Variants in DIP2C observed in about 807,000 individuals in gnomAD.
The protein encoded by DIP2C is DIP2 acetate--CoA ligase C (putative).
DIP2C carries 33 observed loss-of-function variants against 192.4 expected under a neutral mutation model. The ratio of observed to expected loss-of-function variants is 0.17; its 90% CI spans 0.13 to 0.23. The LOEUF (loss-of-function observed/expected upper bound fraction) is 0.23. Ranked by LOEUF, DIP2C falls within the 10% of genes least tolerant of loss-of-function variation. The pLI is 1.00. For missense variants in DIP2C, 1,537 were observed against 2,110.1 expected (o/e 0.73, Z 5.32); for synonymous variants, 979 against 864.1 (o/e 1.13, Z -2.33).
intron 1 of DIP2C, among the ~76,000 whole-genome samples, chr10:583,223 T>TCTG (rs1850776990): frequency 1.3e-5 from 2 of 151,350 alleles, no homozygotes; most frequent in African/African-American, 4.9e-5. Flanking sequence ...GCAGTTTTCT[T>TCTG]CTGAAAAGCC....
intron 1 of DIP2C, among the ~76,000 whole-genome samples, chr10:588,415 C>T (rs1470615157): frequency 6.6e-6 from 1 of 152,246 alleles, no homozygotes; most frequent in Admixed American, 6.5e-5. Flanking sequence ...GAGATTCCAT[C>T]TCCGGGGGTC....
At chr10:455,324 G>GTGGCCCATGAGGAGTA (rs1564733616) in intron 3 of DIP2C, among the ~76,000 whole-genome samples, 1 of 141,766 alleles carries the variant, frequency 7.1e-6, no homozygotes. Flanking sequence ...TGCCTGAGGG[G>GTGGCCCATGAGGAGTA]AGACCGTGAG....
intron 29 of DIP2C, among the ~76,000 whole-genome samples, chr10:339,713 T>A (rs2132548817): frequency 6.6e-6 from 1 of 152,342 alleles, no homozygotes; most frequent in South Asian, 2.1e-4. Context: ...CTCACAATGT[T>A]ATGGCATTTT....
At chr10:348,247 G>A (rs554217423) in intron 26 of DIP2C, among the ~76,000 whole-genome samples, 2 of 152,238 alleles carry the variant, frequency 1.3e-5, no homozygotes, top group Non-Finnish European at 2.9e-5. Context: ...AAGGAAAACA[G>A]ATCTATACTT....
intron 1 of DIP2C, among the ~76,000 whole-genome samples, chr10:673,176 G>A (rs1330758964): frequency 6.6e-6 from 1 of 152,168 alleles, no homozygotes; most frequent in African/African-American, 2.4e-5. Flanking sequence ...CACCCCAGAG[G>A]TGAGGCTGGA....
chr10:356,625 C>T (rs997971979), intron 23 of DIP2C, 119 bp from the exon 24 acceptor site: 10 of 740,704 alleles, frequency 1.4e-5, no homozygotes, highest in Admixed American at 5.7e-5. Context: ...GTCTTAAAAC[C>T]GCATGCTTCT....
In DIP2C at chr10:461,193, C is replaced by T. The variant is rs1287728204; in HGVS notation, c.268+11246G>A. The stretch of plus-strand genomic sequence containing the variant: ...TCATAATGACAGGATCGAATTCACA[C>T]ATAACAATATTAACCTTAAATGTAA... On this transcript the variant is annotated intron_variant, in intron 3 of 36. Coordinates refer to ENST00000280886, the MANE Select transcript of DIP2C (RefSeq NM_014974.3). Among the ~76,000 whole-genome samples, 3 of 152,176 alleles carry T rather than the reference C, an allele frequency of 2.0e-5. No homozygotes were observed. The East Asian group carries it at 5.8e-4, about 29-fold the overall frequency.
At chr10:417,152 A>G (rs1212238359) in intron 6 of DIP2C, among the ~76,000 whole-genome samples, 1 of 152,204 alleles carries the variant, frequency 6.6e-6, no homozygotes, top group African/African-American at 2.4e-5. Flanking sequence ...GATGAATCAT[A>G]CCATTCCACC....
At chr10:493,729 A>AG (rs1170414943) in intron 1 of DIP2C, among the ~76,000 whole-genome samples, 2 of 152,230 alleles carry the variant, frequency 1.3e-5, no homozygotes, top group East Asian at 3.8e-4. Flanking sequence ...GAAAGGATGG[A>AG]GGCCGATTAT....
chr10:338,986 C>A (rs1272189691), intron 29 of DIP2C, among the ~76,000 whole-genome samples: 18 of 151,650 alleles, frequency 1.2e-4, no homozygotes, highest in Admixed American at 7.9e-4. Flanking sequence ...CGCCAGGACA[C>A]CCCTCTGTGG....
At chr10:579,924 ATAGG>A (rs1850487848) in intron 1 of DIP2C, among the ~76,000 whole-genome samples, 1 of 152,046 alleles carries the variant, frequency 6.6e-6, no homozygotes, top group Non-Finnish European at 1.5e-5. Flanking sequence ...CAATGTACAT[ATAGG>A]TACACTATAA....
At chr10:303,458 A>G (rs183782963) in intron 32 of DIP2C, among the ~76,000 whole-genome samples, 414 of 152,286 alleles carry the variant, frequency 2.7e-3, no homozygotes, top group Middle Eastern at 0.024. Context: ...AGATTAAAAC[A>G]TATTGTACAG....
In DIP2C at chr10:371,386, T is replaced by C. The variant is rs540575961; in HGVS notation, c.1992-1753A>G. On this transcript the variant is annotated intron_variant, in intron 17 of 36. Transcript: ENST00000280886. The stretch of plus-strand genomic sequence containing the variant: ...TGGACTTACAACTTGATAAACCCAT[T>C]GTAAAGGCGGAAATTGAAGTTGAGC... Among the ~76,000 whole-genome samples the C allele has an allele frequency of 4.5e-4, 68 of 152,224 alleles. 1 individual carries two copies. In the South Asian group the frequency reaches 9.6e-3, roughly 21 times the overall value.
intron 1 of DIP2C, among the ~76,000 whole-genome samples, chr10:590,514 T>TA (rs1287755399): frequency 6.6e-6 from 1 of 152,208 alleles, no homozygotes; most frequent in African/African-American, 2.4e-5. Flanking sequence ...CATGTTCCTT[T>TA]AAAATCAGGT....
intron 1 of DIP2C, among the ~76,000 whole-genome samples, chr10:634,757 TA>T (rs374307071): frequency 7.4e-5 from 10 of 134,970 alleles, no homozygotes; most frequent in African/African-American, 8.3e-5. Context: ...ATCTCAAAAA[TA>T]AAAAAAAAAG....
At chr10:582,643 CGCA>C (rs1468577791) in intron 1 of DIP2C, among the ~76,000 whole-genome samples, 2 of 152,032 alleles carry the variant, frequency 1.3e-5, no homozygotes, top group Non-Finnish European at 2.9e-5. Flanking sequence ...GAGGAAACAC[CGCA>C]GAAGACTAGA....
chr10:675,523 A>G (rs1184364556), intron 1 of DIP2C, among the ~76,000 whole-genome samples: 1 of 152,014 alleles, frequency 6.6e-6, no homozygotes, highest in Non-Finnish European at 1.5e-5. Flanking sequence ...AAATAGACAA[A>G]CCATTAGCTA....
Position 651,421 on chromosome 10 carries a change from C to T in DIP2C, c.85+38073G>A, listed in dbSNP as rs779500663. The T allele has an allele frequency of 1.4e-6, 1 of 696,224 alleles. No individual in the cohort carries two copies. Among genetic ancestry groups the T allele is most frequent in the South Asian group, 1.5e-5 (1 of 66,612 alleles). The allele number at this position is 696,224 out of a possible 1,614,324, so 43.1% of individuals were successfully genotyped here. A position where few individuals can be genotyped will look rare whatever the true frequency, so the allele number is the denominator to read the frequency against. On this transcript the variant is annotated intron_variant, in intron 1 of 36. Transcript: ENST00000280886. This position sits in a 1 kb window ranked among gnomAD's most constrained non-coding sequence, Gnocchi z 4.1. Reference sequence around the variant, plus strand: ...ACAACCAAACTCGTGACTGAATGAACAAGTATGTTAAGTCGTTAAGTAAAA... The same window carrying T: ...ACAACCAAACTCGTGACTGAATGAATAAGTATGTTAAGTCGTTAAGTAAAA...
intron 1 of DIP2C, among the ~76,000 whole-genome samples, chr10:661,666 T>C (rs1856770364): frequency 6.6e-6 from 1 of 152,128 alleles, no homozygotes; most frequent in Non-Finnish European, 1.5e-5. Context: ...TTCCTCCATT[T>C]CCAAATGTGG....
Sources: allele counts gnomAD v4.1 joint callset (sites outside exome capture counted in the v4.1 genomes callset), GRCh38; gene constraint gnomAD v4.1.1; non-coding constraint Gnocchi (gnomAD v3.1); transcripts MANE v1.5; gene names NCBI Gene and HGNC (gene_info 2026-07-23, HGNC 2026-07-21).